The following NCOA3 variants were observed in gnomAD, a reference collection of about 807,000 sequenced individuals.
The protein encoded by NCOA3 is nuclear receptor coactivator 3.
In NCOA3, 51 loss-of-function variants were observed where a neutral mutation model predicts 158.8. The ratio of observed to expected loss-of-function variants is 0.32; its 90% confidence interval spans 0.26 to 0.41. The LOEUF (loss-of-function observed/expected upper bound fraction) is 0.41. Ranked by LOEUF, NCOA3 falls within the 10% of genes least tolerant of loss-of-function variation. NCOA3 has a pLI of 1.00. For synonymous variants in NCOA3, 537 were observed against 592.4 expected, an observed-to-expected ratio of 0.91 and a Z score of 1.36; for missense variants, 1,510 against 1,746.6, an observed-to-expected ratio of 0.86 and a Z score of 2.41.
chr20:47,635,481 C>G lies in NCOA3; in HGVS notation c.1272C>G (p.Thr424=). The G allele has an allele frequency of 6.2e-7, 1 of 1,614,068 alleles. No individual in the cohort carries two copies. The highest frequency in any genetic ancestry group is 2.2e-5 in the East Asian group (1 of 44,858). ...SRAYGLADPS[T]TGQMSGARYG... is the part of the protein sequence containing the mutation. ...CCTATGGCTTGGCAGACCCTAGCAC[C>G]ACAGGGCAGATGAGTGGAGCTAGGT... The change falls in exon 11 of 23, where the codon ACC becomes ACG. Residue 424 remains threonine (T), a synonymous_variant. Transcript: ENST00000371998.
At chr20:47,537,431 C>T (rs534738336) in intron 1 of NCOA3, among the ~76,000 whole-genome samples, 5 of 34,260 alleles carry the variant, frequency 1.5e-4, no homozygotes, top group South Asian at 1.1e-3. Flanking sequence ...TTGTGATAAT[C>T]GGCGGGGGTG....
At chr20:47,522,892 T>TA (rs3092358) in intron 1 of NCOA3, among the ~76,000 whole-genome samples, 4,572 of 139,148 alleles carry the variant, frequency 0.033, 202 homozygotes, top group African/African-American at 0.098. Flanking sequence ...AGAGATGCTT[T>TA]AAAAAAAAAA....
intron 1 of NCOA3, among the ~76,000 whole-genome samples, chr20:47,575,537 A>T (rs1356640536): frequency 6.6e-6 from 1 of 152,194 alleles, no homozygotes; most frequent in African/African-American, 2.4e-5. Context: ...TATAAACTTT[A>T]AACACTGAAG....
intron 1 of NCOA3, among the ~76,000 whole-genome samples, chr20:47,515,635 C>T (rs11696591): frequency 0.21 from 31,171 of 151,816 alleles, 3,701 homozygotes; most frequent in Middle Eastern, 0.3. Flanking sequence ...GAGGCATGCA[C>T]CACCACTCCC....
chr20:47,603,369 C>CGTGCAGGCAG (rs1412240795), intron 2 of NCOA3, among the ~76,000 whole-genome samples: 3 of 152,244 alleles, frequency 2.0e-5, no homozygotes, highest in Non-Finnish European at 2.9e-5. Flanking sequence ...GAGGAGCATG[C>CGTGCAGGCAG]GTGCAGGCAG....
intron 1 of NCOA3, among the ~76,000 whole-genome samples, chr20:47,544,503 A>G (rs1248928143): frequency 6.6e-6 from 1 of 151,730 alleles, no homozygotes; most frequent in Non-Finnish European, 1.5e-5. Flanking sequence ...AAAAAAATTT[A>G]TGAAGTTTGT....
chr20:47,527,571 C>T (rs941149775), intron 1 of NCOA3, among the ~76,000 whole-genome samples: 3 of 152,100 alleles, frequency 2.0e-5, no homozygotes, highest in South Asian at 2.1e-4. Flanking sequence ...TGAATAGAGC[C>T]GCTGTGAACA....
chr20:47,645,390 A>G (rs746281754), intron 17 of NCOA3, among the ~76,000 whole-genome samples: 9 of 152,026 alleles, frequency 5.9e-5, no homozygotes, highest in Non-Finnish European at 1.0e-4. Flanking sequence ...TGGAGTCTCA[A>G]TAGATCTGTG....
At chr20:47,641,941 C>A (rs1344763939) in intron 16 of NCOA3, among the ~76,000 whole-genome samples, 3 of 152,012 alleles carry the variant, frequency 2.0e-5, no homozygotes, top group East Asian at 3.9e-4. Flanking sequence ...TCTGCTATAC[C>A]CCAAATGCCT....
chr20:47,545,418 C>A (rs913184045), intron 1 of NCOA3, among the ~76,000 whole-genome samples: 1 of 152,034 alleles, frequency 6.6e-6, no homozygotes, highest in African/African-American at 2.4e-5. Context: ...CTCAGGTGAT[C>A]CACCTGCTTT....
At chr20:47,555,297 T>G (rs1183733364) in intron 1 of NCOA3, among the ~76,000 whole-genome samples, 3 of 152,242 alleles carry the variant, frequency 2.0e-5, no homozygotes, top group Non-Finnish European at 4.4e-5. Context: ...TATAAAACTC[T>G]GTAAGCTATG....
intron 1 of NCOA3, among the ~76,000 whole-genome samples, chr20:47,539,396 G>C (rs1375671963): frequency 1.3e-5 from 2 of 152,184 alleles, no homozygotes; most frequent in African/African-American, 2.4e-5. Context: ...TTTGAGGACT[G>C]GGAGGTATCT....
intron 21 of NCOA3, 89 bp downstream of exon 21, chr20:47,652,669 G>A (rs2086815282): frequency 7.6e-7 from 1 of 1,316,808 alleles, no homozygotes; most frequent in South Asian, 1.4e-5. Flanking sequence ...CTTTTTGGAT[G>A]GAGAGGTTGA....
chr20:47,651,769 A>AT (rs1222449261), intron 20 of NCOA3, among the ~76,000 whole-genome samples: 1 of 150,418 alleles, frequency 6.6e-6, no homozygotes, highest in African/African-American at 2.5e-5. Flanking sequence ...GGTTCAAGTG[A>AT]TTCTCCTGCC....
chr20:47,616,746 G>A lies in NCOA3; in HGVS notation c.-19-5483G>A, dbSNP rs530029400. Among the ~76,000 whole-genome samples, 14 of 152,236 alleles carry A rather than the reference G, an allele frequency of 9.2e-5. No individual in the cohort carries two copies. In the South Asian group the frequency reaches 2.7e-3, roughly 29 times the overall value. On this transcript the variant is annotated intron_variant, in intron 2 of 22. Transcript: ENST00000371998. ...GGGGCTTGAAAAGGCTTCTGAGACT[G>A]GATTGTGTATCTTCTTGGAAGTGCA...
intron 1 of NCOA3, among the ~76,000 whole-genome samples, chr20:47,531,344 C>T (rs1473148450): frequency 6.8e-6 from 1 of 146,968 alleles, no homozygotes; most frequent in African/African-American, 2.5e-5. Context: ...CTATCTCAAA[C>T]AAACAAACAA....
chr20:47,613,638 C>T (rs1201227323), intron 2 of NCOA3, among the ~76,000 whole-genome samples: 2 of 152,076 alleles, frequency 1.3e-5, no homozygotes, highest in Admixed American at 6.5e-5. Flanking sequence ...GTAGGCCAGG[C>T]GCGGCGGCTC....
At chr20:47,652,166 T>G (rs2086805887) in intron 20 of NCOA3, among the ~76,000 whole-genome samples, 1 of 152,132 alleles carries the variant, frequency 6.6e-6, no homozygotes, top group African/African-American at 2.4e-5. Context: ...TTAAAGCAAC[T>G]GATCTTTCAG....
chr20:47,542,841 T>C (rs1568668606), intron 1 of NCOA3, among the ~76,000 whole-genome samples: 1 of 152,098 alleles, frequency 6.6e-6, no homozygotes, highest in Non-Finnish European at 1.5e-5. Context: ...ACATACCTGT[T>C]GTCCCAGCTA....
Sources: allele counts gnomAD v4.1 joint callset (sites outside exome capture counted in the v4.1 genomes callset), GRCh38; gene constraint gnomAD v4.1.1; transcripts MANE v1.5; gene names NCBI Gene and HGNC (gene_info 2026-07-23, HGNC 2026-07-21).